The following TMSB15B variants were observed in gnomAD, a reference collection of about 807,000 sequenced individuals.
TMSB15B encodes thymosin beta-15B.
At chrX:103,923,335 G>A (rs1315776532) in intron 1 of TMSB15B, among the ~76,000 whole-genome samples, 1 of 111,860 alleles carries the variant, frequency 8.9e-6, no homozygotes, top group Non-Finnish European at 1.9e-5. Flanking sequence ...TATGGTTTTA[G>A]GTCTAAAATT....
intron 1 of TMSB15B, chrX:103,931,892 G>A (rs2074985805): frequency 9.0e-6 from 1 of 111,348 alleles, no homozygotes; most frequent in South Asian, 3.8e-4. Context: ...TCGATCACCA[G>A]TGGCCAATGA....
In TMSB15B at chrX:103,928,586, A is replaced by T; in HGVS notation, c.-721+9294A>T. On this transcript the variant is annotated intron_variant, in intron 1 of 3. Transcript: ENST00000419165. Reference sequence around the variant, plus strand: ...AGCATTCTTGAGGAATTCAATTCTTATGGGCTTTGGGGGCGGCTGTCACGG... The same window carrying T: ...AGCATTCTTGAGGAATTCAATTCTTTTGGGCTTTGGGGGCGGCTGTCACGG... 2.1e-5 allele frequency: 25 copies of T among 1,176,293 alleles called. No individual in the cohort carries two copies. In the South Asian group the frequency reaches 4.5e-4, roughly 21 times the overall value.
intron 1 of TMSB15B, among the ~76,000 whole-genome samples, chrX:103,947,864 C>T (rs1228110357): frequency 1.8e-5 from 2 of 111,814 alleles, no homozygotes; most frequent in Non-Finnish European, 3.8e-5. Flanking sequence ...TAAAAAAATG[C>T]TTATCCTCGT....
chrX:103,924,468 G>A (rs1260039665), intron 1 of TMSB15B, among the ~76,000 whole-genome samples: 2 of 111,665 alleles, frequency 1.8e-5, no homozygotes, highest in Non-Finnish European at 3.8e-5. Context: ...GGAATAAATT[G>A]CTCTTGTCTT....
At chrX:103,948,536 G>C (rs1397116339) in intron 1 of TMSB15B, among the ~76,000 whole-genome samples, 1 of 112,391 alleles carries the variant, frequency 8.9e-6, no homozygotes, top group African/African-American at 3.2e-5. Context: ...AAATGTCTAT[G>C]AGGATGGAAA....
At chrX:103,938,082 C>G (rs1479089157) in intron 1 of TMSB15B, among the ~76,000 whole-genome samples, 4 of 111,426 alleles carry the variant, frequency 3.6e-5, no homozygotes, top group African/African-American at 1.3e-4. Context: ...TGTTTTACTT[C>G]CAATTATGTG....
At chrX:103,935,408 T>C (rs1321965680) in intron 1 of TMSB15B, among the ~76,000 whole-genome samples, 1 of 112,158 alleles carries the variant, frequency 8.9e-6, no homozygotes, top group East Asian at 2.8e-4. Flanking sequence ...AGTCATGAAG[T>C]CATTGCCCAT....
chrX:103,929,714 A>G (rs1428816641), intron 1 of TMSB15B, among the ~76,000 whole-genome samples: 6 of 111,725 alleles, frequency 5.4e-5, no homozygotes, highest in African/African-American at 1.6e-4. Context: ...AACATTTGCT[A>G]TAGTCTGCTT....
intron 1 of TMSB15B, among the ~76,000 whole-genome samples, chrX:103,922,195 T>A (rs371569550): frequency 8.4e-4 from 92 of 110,118 alleles, no homozygotes; most frequent in Admixed American, 2.9e-3. Context: ...TTATTTAATT[T>A]ATTTATTTAT....
chrX:103,922,958 T>C (rs1165070458), intron 1 of TMSB15B, among the ~76,000 whole-genome samples: 1 of 112,605 alleles, frequency 8.9e-6, no homozygotes, highest in Admixed American at 9.3e-5. Context: ...TGATGGCCAG[T>C]GATGATGAGC....
intron 1 of TMSB15B, chrX:103,919,606 G>A (rs1556316913): frequency 9.0e-6 from 1 of 111,409 alleles, no homozygotes; most frequent in East Asian, 2.8e-4. Flanking sequence ...TCACTCCCAA[G>A]TCAACATATC....
At chrX:103,953,432 C>T (rs2075043772) in intron 1 of TMSB15B, among the ~76,000 whole-genome samples, 1 of 112,649 alleles carries the variant, frequency 8.9e-6, no homozygotes, top group African/African-American at 3.2e-5. Flanking sequence ...GGCCAAGCAG[C>T]CATGGTCTGT....
intron 1 of TMSB15B, among the ~76,000 whole-genome samples, chrX:103,945,209 G>A (rs182858717): frequency 9.3e-4 from 105 of 112,562 alleles, no homozygotes; most frequent in Admixed American, 7.1e-3. Flanking sequence ...CATAGTAGAT[G>A]CTTGTCTTCG....
At chrX:103,927,211 G>T (rs1482159106) in intron 1 of TMSB15B, among the ~76,000 whole-genome samples, 2 of 110,977 alleles carry the variant, frequency 1.8e-5, no homozygotes, top group African/African-American at 6.6e-5. Flanking sequence ...GGGACGTTTG[G>T]CAAGGTCTCA....
At position 103,950,946 on chromosome X, in the gene TMSB15B, A is replaced by G. The variant is rs148604349; in HGVS notation, c.-720-11075A>G. Among the ~76,000 whole-genome samples the G allele has an allele frequency of 4.5e-5, 5 of 111,276 alleles. No individual in the cohort carries two copies. In the East Asian group the frequency reaches 1.4e-3, roughly 31 times the overall value. ...GAGTGCAGTCTGGAAATATCATTAT[A>G]TTAATTTGCTAAGATTGCTATAACA... On this transcript the variant is annotated intron_variant, in intron 1 of 3. Transcript: ENST00000419165.
chrX:103,938,368 ATAGT>A (rs1235232647), intron 1 of TMSB15B, among the ~76,000 whole-genome samples: 2 of 111,828 alleles, frequency 1.8e-5, no homozygotes, highest in East Asian at 2.8e-4. Flanking sequence ...TATATTTAAG[ATAGT>A]TAGCCCTTCT....
chrX:103,940,971 C>T (rs1349765937), intron 1 of TMSB15B, among the ~76,000 whole-genome samples: 1 of 111,172 alleles, frequency 9.0e-6, no homozygotes, highest in African/African-American at 3.3e-5. Flanking sequence ...GAGGTAGTTC[C>T]CCCACCCCTT....
chrX:103,927,755 A>C (rs782050945), intron 1 of TMSB15B, among the ~76,000 whole-genome samples: 1 of 109,397 alleles, frequency 9.1e-6, no homozygotes, highest in Non-Finnish European at 1.9e-5. Flanking sequence ...TGATGCATTA[A>C]GTTTTGGAGT....
At chrX:103,945,713 T>TA (rs2075023824) in intron 1 of TMSB15B, among the ~76,000 whole-genome samples, 1 of 112,062 alleles carries the variant, frequency 8.9e-6, no homozygotes, top group Non-Finnish European at 1.9e-5. Context: ...TAGACATAAA[T>TA]AAGGCATGGT....
Sources: allele counts gnomAD v4.1 joint callset (sites outside exome capture counted in the v4.1 genomes callset), GRCh38; gene constraint gnomAD v4.1.1; transcripts MANE v1.5; gene names NCBI Gene and HGNC (gene_info 2026-07-23, HGNC 2026-07-21).